PLOD2: variants seen among roughly 807,000 people sequenced by gnomAD.
PLOD2 encodes lysine hydroxylase 2.
In PLOD2, 65 loss-of-function variants were observed where a neutral mutation model predicts 101.0. The observed-to-expected ratio is 0.64, with a 90% CI of 0.53 to 0.79. The LOEUF (loss-of-function observed/expected upper bound fraction) is 0.79. Ranked by LOEUF, PLOD2 falls within the 30% of genes least tolerant of loss-of-function variation. PLOD2 has a pLI of 0.00. For synonymous variants in PLOD2, 314 were observed against 302.9 expected, an observed-to-expected ratio of 1.04 and a Z score of -0.38; for missense variants, 909 against 914.6, an observed-to-expected ratio of 0.99 and a Z score of 0.08.
chr3:146,110,254 C>A, intron 4 of PLOD2, 31 bp downstream of exon 4: 17 of 1,596,906 alleles, frequency 1.1e-5, no homozygotes, highest in Non-Finnish European at 1.5e-5. Flanking sequence ...TTATAACTTG[C>A]ATTAAACTTT....
At chr3:146,104,132 C>G in intron 6 of PLOD2, 147 bp downstream of exon 6, 2 of 673,944 alleles carry the variant, frequency 3.0e-6, no homozygotes, top group Non-Finnish European at 5.4e-6. Flanking sequence ...AAGTTCAAGT[C>G]TAGTATTTTT....
intron 1 of PLOD2, among the ~76,000 whole-genome samples, chr3:146,137,569 G>T (rs1472058762): frequency 1.3e-5 from 2 of 152,144 alleles, no homozygotes; most frequent in African/African-American, 4.8e-5. Flanking sequence ...CTTAATCTCA[G>T]ATATTCCCAG....
chr3:146,103,867 ACT>A (rs1402885493), intron 6 of PLOD2, among the ~76,000 whole-genome samples: 68 of 122,540 alleles, frequency 5.5e-4, no homozygotes, highest in African/African-American at 2.1e-3. Flanking sequence ...ACACACACAC[ACT>A]CTTCCCCAGT....
rs951201408 is a variant in PLOD2 at position 146,099,472 on chromosome 3, C to T, written c.777+3283G>A. On this transcript the variant is annotated intron_variant, in intron 7 of 19. Transcript: ENST00000282903. Reference sequence around the variant, plus strand: ...AGTGCAATGGCCCGATCTTGGCTGACTGCAACCTCTGCCTCCCAGGTTTAA... The same window carrying T: ...AGTGCAATGGCCCGATCTTGGCTGATTGCAACCTCTGCCTCCCAGGTTTAA... 7.2e-5 allele frequency among the ~76,000 whole-genome samples: 11 copies of T among 152,326 alleles called. 1 individual carries two copies. The South Asian group carries it at 1.0e-3, about 14-fold the overall frequency.
chr3:146,117,817 T>C (rs1219963042), intron 3 of PLOD2, among the ~76,000 whole-genome samples: 7 of 152,180 alleles, frequency 4.6e-5, no homozygotes, highest in East Asian at 1.9e-4. Context: ...AAGTATCATC[T>C]AAATCAACAA....
intron 4 of PLOD2, among the ~76,000 whole-genome samples, chr3:146,107,607 G>GTTC (rs1937557763): frequency 7.0e-6 from 1 of 142,784 alleles, no homozygotes; most frequent in Admixed American, 7.1e-5. Context: ...TCATTTTTTG[G>GTTC]TTCTTGCCAT....
At chr3:146,141,368 G>A (rs933969870) in intron 1 of PLOD2, among the ~76,000 whole-genome samples, 1 of 152,066 alleles carries the variant, frequency 6.6e-6, no homozygotes, top group African/African-American at 2.4e-5. Flanking sequence ...CACTAAGGAA[G>A]TTCTCGTTTT....
intron 1 of PLOD2, among the ~76,000 whole-genome samples, chr3:146,145,167 C>A (rs1484316831): frequency 6.6e-6 from 1 of 152,106 alleles, no homozygotes; most frequent in East Asian, 1.9e-4. Context: ...GGCATATCAC[C>A]AAAACAAATC....
intron 1 of PLOD2, among the ~76,000 whole-genome samples, chr3:146,133,993 T>TA (rs1278860901): frequency 6.6e-6 from 1 of 152,196 alleles, no homozygotes; most frequent in African/African-American, 2.4e-5. Context: ...ATAAGGAGTT[T>TA]AACCAGTAGG....
At chr3:146,097,815 T>TAAC (rs1194357278) in intron 7 of PLOD2, among the ~76,000 whole-genome samples, 4 of 105,040 alleles carry the variant, frequency 3.8e-5, no homozygotes, top group African/African-American at 1.5e-4. Context: ...ATAATAATAA[T>TAAC]AATAATAATA....
chr3:146,106,123 T>C (rs1937531072), intron 5 of PLOD2, among the ~76,000 whole-genome samples: 1 of 152,226 alleles, frequency 6.6e-6, no homozygotes, highest in Non-Finnish European at 1.5e-5. Context: ...TAACCTATTC[T>C]GTTATTTTAA....
chr3:146,151,378 T>C (rs1022273755), intron 1 of PLOD2, among the ~76,000 whole-genome samples: 1 of 152,016 alleles, frequency 6.6e-6, no homozygotes, highest in African/African-American at 2.4e-5. Context: ...ATGCCTGTAA[T>C]CCCAGCAACT....
intron 4 of PLOD2, 144 bp downstream of exon 4, chr3:146,110,139 TAC>T: frequency 1.4e-6 from 1 of 707,552 alleles, no homozygotes; most frequent in Non-Finnish European, 2.4e-6. Flanking sequence ...ACTCACATAA[TAC>T]ATGGGAAAAT....
In PLOD2 at chr3:146,071,258, G is replaced by A; in HGVS notation, c.1995+19C>T. On this transcript the variant is annotated intron_variant, in intron 18 of 19. Transcript: ENST00000282903. The stretch of plus-strand genomic sequence containing the variant: ...AAAAATGGGTAAGAAATAGGCTGGA[G>A]GGGTGAGAGGATAACTACCTTCGTA... The A allele has an allele frequency of 6.2e-7, 1 of 1,611,670 alleles. No individual in the cohort carries two copies. Among genetic ancestry groups the A allele is most frequent in the African/African-American group, 1.3e-5 (1 of 74,894 alleles).
rs76718163 is a variant in PLOD2, at chr3:146,160,834, C to T, written c.109+47G>A. ...GCTGGTGGATGAATGAACTGCCCCCCCGCCGGCCGAGCCTCGCGGGACAGC... is the reference window on the plus strand; with the variant it reads ...GCTGGTGGATGAATGAACTGCCCCCTCGCCGGCCGAGCCTCGCGGGACAGC... On this transcript the variant is annotated intron_variant, in intron 1 of 19. Coordinates refer to ENST00000282903, the MANE Select transcript of PLOD2 (RefSeq NM_182943.3). 156,534 of 1,256,168 alleles carry T rather than the reference C, an allele frequency of 0.12. 10,867 individuals carry two copies. The highest frequency in any genetic ancestry group is 0.15 in the South Asian group (11,399 of 78,242). 77.8% of individuals were successfully genotyped at this position (1,256,168 alleles called of 1,614,324 possible).
chr3:146,116,302 T>TA (rs1170542206), intron 3 of PLOD2, among the ~76,000 whole-genome samples: 1 of 151,856 alleles, frequency 6.6e-6, no homozygotes, highest in Admixed American at 6.6e-5. Flanking sequence ...AACACCCACG[T>TA]ACCCAGTTGA....
chr3:146,082,324 G>C (rs1936583595), intron 11 of PLOD2, among the ~76,000 whole-genome samples: 1 of 152,148 alleles, frequency 6.6e-6, no homozygotes, highest in Admixed American at 6.5e-5. Flanking sequence ...TGTAAAAAAT[G>C]AATGAAGATG....
intron 1 of PLOD2, among the ~76,000 whole-genome samples, chr3:146,128,590 G>A (rs1016645809): frequency 4.6e-5 from 7 of 151,906 alleles, no homozygotes; most frequent in Non-Finnish European, 7.4e-5. Context: ...ATTTTGCTCT[G>A]TCTGAAAATT....
chr3:146,115,813 T>C (rs73148960), intron 3 of PLOD2, among the ~76,000 whole-genome samples: 4,330 of 152,260 alleles, frequency 0.028, 94 homozygotes, highest in Non-Finnish European at 0.042. Context: ...CTGATGACCA[T>C]ATTGTCTGTC....
Sources: allele counts gnomAD v4.1 joint callset (sites outside exome capture counted in the v4.1 genomes callset), GRCh38; gene constraint gnomAD v4.1.1; transcripts MANE v1.5; gene names NCBI Gene and HGNC (gene_info 2026-07-23, HGNC 2026-07-21).